Variants in RHBDD1 observed in about 807,000 individuals in gnomAD.
The protein encoded by RHBDD1 is rhomboid-related protein 4.
Under a neutral mutation model 36.3 loss-of-function variants are expected in RHBDD1, and 38 were observed. The ratio of observed to expected loss-of-function variants is 1.05; its 90% CI spans 0.81 to 1.37. RHBDD1 has a LOEUF of 1.37. Among genes scored for constraint, RHBDD1 ranks in the 40% most tolerant of loss-of-function variants. RHBDD1 has a pLI of 0.00. For missense variants in RHBDD1, 393 were observed against 377.6 expected (o/e 1.04, Z -0.34); for synonymous variants, 151 against 136.5 (o/e 1.11, Z -0.74).
At chr2:226,817,436 C>G in the RHBDD1 span, among the ~76,000 whole-genome samples, 2 of 152,168 alleles carry the variant, frequency 1.3e-5, no homozygotes, top group East Asian at 3.9e-4. Flanking sequence ...AGGTACATTA[C>G]ACTGATACTC....
At chr2:226,861,968 A>G (rs1943894419) in intron 3 of RHBDD1, among the ~76,000 whole-genome samples, 1 of 152,222 alleles carries the variant, frequency 6.6e-6, no homozygotes, top group African/African-American at 2.4e-5. Context: ...GGGTTTTGCC[A>G]ATAATGTGTG....
At chr2:226,848,575 G>A (rs1448608120) in intron 3 of RHBDD1, among the ~76,000 whole-genome samples, 1 of 152,116 alleles carries the variant, frequency 6.6e-6, no homozygotes, top group Non-Finnish European at 1.5e-5. Context: ...GAGGTCACAA[G>A]TCAAATCACC....
chr2:226,903,405 T>C (rs957188534), intron 5 of RHBDD1, among the ~76,000 whole-genome samples: 1 of 152,232 alleles, frequency 6.6e-6, no homozygotes, highest in Non-Finnish European at 1.5e-5. Flanking sequence ...ATGCTGTCTC[T>C]GCTACCCACC....
intron 8 of RHBDD1, among the ~76,000 whole-genome samples, chr2:226,926,452 A>G (rs549753783): frequency 6.6e-6 from 1 of 152,172 alleles, no homozygotes; most frequent in East Asian, 1.9e-4. Flanking sequence ...TTATGATTTA[A>G]TTTTTCAGGA....
intron 5 of RHBDD1, among the ~76,000 whole-genome samples, chr2:226,885,858 T>A (rs1237827151): frequency 6.6e-6 from 1 of 152,062 alleles, no homozygotes; most frequent in Non-Finnish European, 1.5e-5. Flanking sequence ...TGCAGAACAA[T>A]ATATATGCTG....
At chr2:226,886,143 C>G (rs535253917) in intron 5 of RHBDD1, among the ~76,000 whole-genome samples, 121 of 152,292 alleles carry the variant, frequency 7.9e-4, no homozygotes, top group African/African-American at 2.8e-3. Context: ...CCATAGCACC[C>G]TATTTTTACA....
At chr2:226,952,538 T>A (rs1951498115) in intron 8 of RHBDD1, among the ~76,000 whole-genome samples, 1 of 152,226 alleles carries the variant, frequency 6.6e-6, no homozygotes, top group Non-Finnish European at 1.5e-5. Flanking sequence ...CCTCATGTGA[T>A]CTGCCCACCT....
intron 5 of RHBDD1, among the ~76,000 whole-genome samples, chr2:226,891,639 A>T (rs1178096462): frequency 6.6e-6 from 1 of 152,162 alleles, no homozygotes; most frequent in Non-Finnish European, 1.5e-5. Flanking sequence ...TCCTAATGCT[A>T]GCAATCCTAG....
At chr2:226,930,163 A>G (rs1276671662) in intron 8 of RHBDD1, among the ~76,000 whole-genome samples, 1 of 152,066 alleles carries the variant, frequency 6.6e-6, no homozygotes, top group East Asian at 1.9e-4. Context: ...AAATAACCCA[A>G]AAATTCATAT....
At chr2:226,885,840 A>G (rs958432701) in intron 5 of RHBDD1, among the ~76,000 whole-genome samples, 1 of 152,208 alleles carries the variant, frequency 6.6e-6, no homozygotes, top group Non-Finnish European at 1.5e-5. Context: ...AGAAACTACC[A>G]TGGATAGTGC....
intron 3 of RHBDD1, among the ~76,000 whole-genome samples, chr2:226,853,219 G>A (rs182880174): frequency 1.3e-5 from 2 of 152,274 alleles, no homozygotes; most frequent in African/African-American, 4.8e-5. Context: ...AAGCATTTAT[G>A]TGAAAGAAAA....
intron 8 of RHBDD1, among the ~76,000 whole-genome samples, chr2:226,959,625 A>G (rs920861327): frequency 6.6e-6 from 1 of 152,232 alleles, no homozygotes; most frequent in Non-Finnish European, 1.5e-5. Context: ...TCCATTGTAC[A>G]GATATACCAT....
intron 4 of RHBDD1, among the ~76,000 whole-genome samples, chr2:226,865,640 C>A (rs549126102): frequency 2.6e-5 from 4 of 152,146 alleles, no homozygotes; most frequent in Non-Finnish European, 4.4e-5. Context: ...AAAAAGCTGC[C>A]TAGGGCTGTT....
At chr2:226,868,714 C>G (rs114876668) in intron 5 of RHBDD1, among the ~76,000 whole-genome samples, 4,597 of 152,252 alleles carry the variant, frequency 0.03, 77 homozygotes, top group Middle Eastern at 0.099. Context: ...CCCGGTAACT[C>G]CAGGTCCTTC....
chr2:226,806,532 T>C, the RHBDD1 span, among the ~76,000 whole-genome samples: 1 of 152,368 alleles, frequency 6.6e-6, no homozygotes, highest in African/African-American at 2.4e-5. Flanking sequence ...GTCACAAGTT[T>C]GGTCAATAGT....
intron 8 of RHBDD1, among the ~76,000 whole-genome samples, chr2:226,985,391 T>G (rs570750875): frequency 6.6e-6 from 1 of 152,240 alleles, no homozygotes; most frequent in African/African-American, 2.4e-5. Context: ...TAATATTCAA[T>G]GCAGCAGCCT....
intron 8 of RHBDD1, chr2:226,988,389 G>A: frequency 6.4e-7 from 1 of 1,550,520 alleles, no homozygotes; most frequent in East Asian, 2.4e-5. Flanking sequence ...ATAAAGGTCA[G>A]AACAGACAAA....
chr2:226,807,164 A>C, the RHBDD1 span, among the ~76,000 whole-genome samples: 2 of 152,330 alleles, frequency 1.3e-5, no homozygotes, highest in East Asian at 3.9e-4. Flanking sequence ...GACATTTATC[A>C]TCACTTCCCA....
chr2:226,932,293 T>C (rs772640282), intron 8 of RHBDD1, among the ~76,000 whole-genome samples: 5 of 152,122 alleles, frequency 3.3e-5, no homozygotes, highest in South Asian at 4.1e-4. Context: ...TATTCTGCTG[T>C]TGTTGGATAG....
Sources: allele counts gnomAD v4.1 joint callset (sites outside exome capture counted in the v4.1 genomes callset), GRCh38; gene constraint gnomAD v4.1.1; transcripts MANE v1.5; gene names NCBI Gene and HGNC (gene_info 2026-07-23, HGNC 2026-07-21).